Variants in PPP3CB observed in about 807,000 individuals in gnomAD.
The protein encoded by PPP3CB is serine/threonine-protein phosphatase 2B catalytic subunit beta isoform.
A neutral mutation model predicts 66.4 loss-of-function variants in PPP3CB; 8 were observed. That is an observed-to-expected ratio of 0.12 (90% CI 0.07 to 0.22). The LOEUF (loss-of-function observed/expected upper bound fraction) is 0.22. PPP3CB is among the 10% of genes least tolerant of loss of function. The probability of loss-of-function intolerance (pLI) is 1.00; values close to 1 mark genes in which losing one functional copy is unlikely to be tolerated. For missense variants in PPP3CB, 319 were observed against 642.5 expected, an observed-to-expected ratio of 0.50 and a Z score of 5.44; for synonymous variants, 208 against 221.2, an observed-to-expected ratio of 0.94 and a Z score of 0.53.
At chr10:73,470,616 TTTA>T in intron 8 of PPP3CB, 68 bp downstream of exon 8, 2 of 957,874 alleles carry the variant, frequency 2.1e-6, no homozygotes, top group Non-Finnish European at 3.0e-6. Context: ...ACACCCCTTT[TTTA>T]TTATATTAAA....
At chr10:73,453,474 G>A (rs1458344167) in intron 10 of PPP3CB, among the ~76,000 whole-genome samples, 3 of 151,954 alleles carry the variant, frequency 2.0e-5, no homozygotes, top group African/African-American at 7.3e-5. Context: ...TATTGCCCAG[G>A]CTGGTCTCCA....
Position 73,441,436 on chromosome 10 carries a change from C to T in PPP3CB, c.1367-1535G>A, listed in dbSNP as rs923381316. Among the ~76,000 whole-genome samples, 17 of 152,116 alleles carry T rather than the reference C, an allele frequency of 1.1e-4. No individual in the cohort carries two copies. The South Asian group carries it at 3.3e-3, about 30-fold the overall frequency. On this transcript the variant is annotated intron_variant, in intron 12 of 13. Coordinates refer to ENST00000360663, the MANE Select transcript of PPP3CB (RefSeq NM_021132.4). ...ACACATAGAGAGACCTCATCTCCCC[C>T]CAAAAAAAGTTTAAAAAATTAGCCG... is the stretch of plus-strand genomic sequence containing the variant.
At chr10:73,492,033 G>T (rs1344727092) in intron 1 of PPP3CB, among the ~76,000 whole-genome samples, 1 of 151,984 alleles carries the variant, frequency 6.6e-6, no homozygotes, top group African/African-American at 2.4e-5. Flanking sequence ...AAAGCTACTA[G>T]AAAACACTTT....
intron 1 of PPP3CB, among the ~76,000 whole-genome samples, chr10:73,481,664 C>T (rs2056881962): frequency 6.7e-6 from 1 of 148,502 alleles, no homozygotes. Context: ...AGATTCCTAT[C>T]AATTACCTAA....
At position 73,436,637 on chromosome 10, in the gene PPP3CB, A is replaced by G. The variant is rs1205105206; in HGVS notation, c.*1605T>C. ...GCTCATGTAAAACAAGTATATAACA[A>G]AAGTTTTTTTTAAGGCAAAATTTAT... On this transcript the variant is annotated 3_prime_UTR_variant, in exon 14 of 14. Coordinates refer to ENST00000360663, the MANE Select transcript of PPP3CB (RefSeq NM_021132.4). 1 of 152,222 alleles carries G rather than the reference A, an allele frequency of 6.6e-6. No homozygotes were observed. The highest frequency in any genetic ancestry group is 2.4e-5 in the African/African-American group (1 of 41,464). 9.4% of individuals were successfully genotyped at this position (152,222 alleles called of 1,614,324 possible).
At chr10:73,456,924 G>C (rs1438200769) in intron 9 of PPP3CB, among the ~76,000 whole-genome samples, 1 of 151,920 alleles carries the variant, frequency 6.6e-6, no homozygotes, top group Non-Finnish European at 1.5e-5. Flanking sequence ...GTCTAGCAAA[G>C]GCAAATCTAT....
At chr10:73,485,927 T>A (rs2056965637) in intron 1 of PPP3CB, among the ~76,000 whole-genome samples, 1 of 128,814 alleles carries the variant, frequency 7.8e-6, no homozygotes, top group African/African-American at 2.9e-5. Flanking sequence ...TGTGTGTGTG[T>A]GTGTGTGTGT....
chr10:73,479,252 T>G, intron 2 of PPP3CB, 65 bp downstream of exon 2: 1 of 1,412,050 alleles, frequency 7.1e-7, no homozygotes, highest in South Asian at 1.2e-5. Context: ...AAACAGTAAG[T>G]TGTAAATCCA....
At chr10:73,466,361 T>A (rs945697988) in intron 9 of PPP3CB, among the ~76,000 whole-genome samples, 1 of 152,230 alleles carries the variant, frequency 6.6e-6, no homozygotes, top group Non-Finnish European at 1.5e-5. Context: ...AATGTCCATT[T>A]TCCTCCTACC....
At chr10:73,465,298 T>C (rs79766708) in intron 9 of PPP3CB, among the ~76,000 whole-genome samples, 7,529 of 152,208 alleles carry the variant, frequency 0.049, 567 homozygotes, top group African/African-American at 0.16. Flanking sequence ...GTTTGATTGT[T>C]GTACAGTGTA....
chr10:73,445,214 G>A (rs2056227363), intron 11 of PPP3CB, among the ~76,000 whole-genome samples: 1 of 152,132 alleles, frequency 6.6e-6, no homozygotes, highest in South Asian at 2.1e-4. Flanking sequence ...ATTAACCCCA[G>A]GGAAGGCAAT....
rs61416938 is a variant in PPP3CB, at chr10:73,484,371, T to C, written c.86-4854A>G. ...TGCAAGCTCCGCCCCCCGGGGTTCA[T>C]GCCATTCTCCTGCCTCAGCCTCCCG... On this transcript the variant is annotated intron_variant, in intron 1 of 13. Transcript: ENST00000360663. 3.9e-5 allele frequency among the ~76,000 whole-genome samples: 6 copies of C among 151,928 alleles called. No individual in the cohort carries two copies. The South Asian group carries it at 1.0e-3, about 26-fold the overall frequency.
chr10:73,483,834 T>A (rs568651939), intron 1 of PPP3CB, among the ~76,000 whole-genome samples: 376 of 151,670 alleles, frequency 2.5e-3, no homozygotes, highest in African/African-American at 8.5e-3. Context: ...AGAGTTAAAA[T>A]TTTTTTTTCA....
At chr10:73,479,544 A>T (rs578129917) in intron 1 of PPP3CB, 27 bp from the exon 2 acceptor site, 3 of 1,592,954 alleles carry the variant, frequency 1.9e-6, no homozygotes, top group African/African-American at 2.7e-5. Flanking sequence ...TTAATAAAAG[A>T]TAAGTCACCA....
At chr10:73,456,723 C>G (rs963484688) in intron 9 of PPP3CB, among the ~76,000 whole-genome samples, 1 of 151,998 alleles carries the variant, frequency 6.6e-6, no homozygotes, top group African/African-American at 2.4e-5. Context: ...AATGTAAGAA[C>G]TAAAACTCTC....
At chr10:73,472,965 A>G (rs1440521440) in intron 4 of PPP3CB, among the ~76,000 whole-genome samples, 1 of 152,192 alleles carries the variant, frequency 6.6e-6, no homozygotes, top group Non-Finnish European at 1.5e-5. Flanking sequence ...GCAAAGAAAA[A>G]GAACTTAGTT....
chr10:73,475,045 T>C lies in PPP3CB; in HGVS notation c.412-15A>G, dbSNP rs1172539815. On this transcript the variant is annotated splice_polypyrimidine_tract_variant and intron_variant, in intron 3 of 13. Coordinates refer to ENST00000360663, the MANE Select transcript of PPP3CB (RefSeq NM_021132.4). Reference sequence around the variant, plus strand: ...TATAAGACACACTGCAAAAGAAAATTTTTCTAGTGAATTTATCTTGTACTT... The same window carrying C: ...TATAAGACACACTGCAAAAGAAAATCTTTCTAGTGAATTTATCTTGTACTT... 1 of 1,606,306 alleles carries C rather than the reference T, an allele frequency of 6.2e-7. No individual in the cohort carries two copies. Among genetic ancestry groups the C allele is most frequent in the Non-Finnish European group, 8.5e-7 (1 of 1,177,512 alleles).
chr10:73,492,948 A>C (rs2057101802), intron 1 of PPP3CB, among the ~76,000 whole-genome samples: 1 of 152,188 alleles, frequency 6.6e-6, no homozygotes. Flanking sequence ...TTATGACTAC[A>C]AGCATGGAGT....
In PPP3CB at chr10:73,438,003, T is replaced by C. The variant is rs577665570; in HGVS notation, c.*239A>G. ...AGGTGTGGATGCCCTCCACTGGAAA[T>C]TGCCCCAAGCCCCTTGCTCACTGCT... On this transcript the variant is annotated 3_prime_UTR_variant, in exon 14 of 14. Coordinates refer to ENST00000360663, the MANE Select transcript of PPP3CB (RefSeq NM_021132.4). The C allele has an allele frequency of 2.6e-5, 10 of 386,932 alleles. No homozygotes were observed. The highest frequency in any genetic ancestry group is 9.0e-5 in the Admixed American group (2 of 22,252). 24.0% of individuals were successfully genotyped at this position (386,932 alleles called of 1,614,324 possible).
Sources: gnomAD v4.1 joint callset for allele counts (sites outside exome capture counted in the v4.1 genomes callset) on GRCh38, gnomAD v4.1.1 for gene constraint, MANE v1.5 for transcripts, NCBI Gene and HGNC (gene_info 2026-07-23, HGNC 2026-07-21) for gene names.